Variants in TUNAR observed in about 807,000 individuals in gnomAD.
TUNAR encodes transmembrane neural differentiation associated intracellular calcium regulator, also known as protein TUNAR.
At chr14:95,916,369 G>C (rs1466131247) in intron 2 of TUNAR, among the ~76,000 whole-genome samples, 1 of 152,134 alleles carries the variant, frequency 6.6e-6, no homozygotes, top group East Asian at 1.9e-4. Flanking sequence ...CACATAAGTG[G>C]GAACATCCTT....
chr14:95,899,232 A>G (rs1889310173), intron 2 of TUNAR, among the ~76,000 whole-genome samples: 1 of 152,168 alleles, frequency 6.6e-6, no homozygotes, highest in South Asian at 2.1e-4. Flanking sequence ...TCAGGAGACC[A>G]TGCAGCCACA....
At chr14:95,922,238 G>A (rs900285798) in intron 2 of TUNAR, among the ~76,000 whole-genome samples, 9 of 152,156 alleles carry the variant, frequency 5.9e-5, no homozygotes, top group South Asian at 2.1e-4. Flanking sequence ...CATCCACACC[G>A]TGCATAGACC....
At chr14:95,921,960 C>T (rs1033260751) in intron 2 of TUNAR, among the ~76,000 whole-genome samples, 2 of 152,140 alleles carry the variant, frequency 1.3e-5, no homozygotes, top group African/African-American at 2.4e-5. Flanking sequence ...AGACTGACCA[C>T]CACATGTTCA....
chr14:95,888,661 A>G (rs1382791184), intron 2 of TUNAR, among the ~76,000 whole-genome samples: 1 of 152,138 alleles, frequency 6.6e-6, no homozygotes, highest in Non-Finnish European at 1.5e-5. Flanking sequence ...CTAGGGCTCC[A>G]TTGACCCAAG....
At position 95,897,910 on chromosome 14, in the gene TUNAR, G is replaced by C. The variant is rs150677023; in HGVS notation, c.12+20733G>C. Among the ~76,000 whole-genome samples, 316 of 150,854 alleles carry C rather than the reference G, an allele frequency of 2.1e-3. 2 individuals carry two copies. Among genetic ancestry groups the C allele is most frequent in the African/African-American group, 7.2e-3 (295 of 40,980 alleles). Reference sequence around the variant, plus strand: ...TTCATACTCTCCCTTTTTTCATACCGCCTGTTCCATTGAGCCTTTCCCCAT... The same window carrying C: ...TTCATACTCTCCCTTTTTTCATACCCCCTGTTCCATTGAGCCTTTCCCCAT... On this transcript the variant is annotated intron_variant, in intron 2 of 2. Transcript: ENST00000678517.
intron 2 of TUNAR, among the ~76,000 whole-genome samples, chr14:95,908,440 G>A (rs761545330): frequency 9.2e-5 from 14 of 152,204 alleles, no homozygotes; most frequent in Admixed American, 1.3e-4. Flanking sequence ...GGCAAAGTGC[G>A]TCCTCCCATC....
Position 95,881,033 on chromosome 14 carries a change from C to A in TUNAR, c.12+3856C>A, listed in dbSNP as rs555989556. On this transcript the variant is annotated intron_variant, in intron 2 of 2. Transcript: ENST00000678517. The stretch of plus-strand genomic sequence containing the variant: ...GGACTCTGCTGGGGTTTAAATCAAC[C>A]CGTGCTGGACCTCATTTCCACTGCT... Among the ~76,000 whole-genome samples the A allele has an allele frequency of 3.3e-5, 5 of 152,272 alleles. No homozygotes were observed. In the East Asian group the frequency reaches 9.6e-4, roughly 29 times the overall value.
At chr14:95,901,117 T>C (rs564961269) in intron 2 of TUNAR, among the ~76,000 whole-genome samples, 1 of 152,342 alleles carries the variant, frequency 6.6e-6, no homozygotes, top group Admixed American at 6.5e-5. Context: ...AGGCAACAGC[T>C]TCAGAAGGTG....
intron 2 of TUNAR, among the ~76,000 whole-genome samples, chr14:95,885,559 CAGA>C (rs2139653452): frequency 6.6e-6 from 1 of 152,206 alleles, no homozygotes; most frequent in Non-Finnish European, 1.5e-5. Context: ...CAAGTGTGAG[CAGA>C]AGCACAGAGG....
chr14:95,886,914 C>T (rs917953891), intron 2 of TUNAR, among the ~76,000 whole-genome samples: 1 of 152,162 alleles, frequency 6.6e-6, no homozygotes, highest in Non-Finnish European at 1.5e-5. Context: ...AACCCAGGCC[C>T]AGAGCCAGGG....
intron 2 of TUNAR, among the ~76,000 whole-genome samples, chr14:95,884,890 T>A (rs1424775442): frequency 6.6e-6 from 1 of 151,668 alleles, no homozygotes; most frequent in Admixed American, 6.6e-5. Flanking sequence ...TTTTTTTCCC[T>A]CCTACTGAGA....
intron 2 of TUNAR, among the ~76,000 whole-genome samples, chr14:95,892,502 G>T (rs1364422451): frequency 6.6e-6 from 1 of 152,258 alleles, no homozygotes; most frequent in Non-Finnish European, 1.5e-5. Context: ...GCATTACTGG[G>T]TCAGGGTATC....
At chr14:95,924,219 T>C (rs559258458) in exon 3 of TUNAR, 4 of 152,178 alleles carry the variant, frequency 2.6e-5, no homozygotes, top group Non-Finnish European at 5.9e-5. Flanking sequence ...GGAGATCTCA[T>C]GGTGATTCAG....
intron 2 of TUNAR, among the ~76,000 whole-genome samples, chr14:95,884,599 T>C (rs1387614626): frequency 6.6e-6 from 1 of 152,232 alleles, no homozygotes; most frequent in East Asian, 1.9e-4. Flanking sequence ...ACAGGGTGAC[T>C]CATCATGGGA....
At chr14:95,885,483 G>A (rs1247292818) in intron 2 of TUNAR, among the ~76,000 whole-genome samples, 1 of 152,200 alleles carries the variant, frequency 6.6e-6, no homozygotes, top group East Asian at 1.9e-4. Context: ...TTTGACTTGA[G>A]CCCTGAGAGA....
intron 2 of TUNAR, among the ~76,000 whole-genome samples, chr14:95,907,538 G>T (rs927441876): frequency 1.3e-5 from 2 of 152,166 alleles, no homozygotes; most frequent in Non-Finnish European, 2.9e-5. Context: ...TGGTGCCTTT[G>T]CCCAAGTTCT....
intron 2 of TUNAR, among the ~76,000 whole-genome samples, chr14:95,905,991 A>G (rs1889422320): frequency 6.6e-6 from 1 of 152,196 alleles, no homozygotes; most frequent in South Asian, 2.1e-4. Context: ...AGCTTTGGCC[A>G]TTAGAAGTTC....
intron 2 of TUNAR, among the ~76,000 whole-genome samples, chr14:95,910,842 C>T (rs1475106105): frequency 2.0e-5 from 3 of 152,218 alleles, no homozygotes; most frequent in African/African-American, 7.2e-5. Flanking sequence ...CTCAGAGGCT[C>T]CCAGCTCATT....
intron 2 of TUNAR, among the ~76,000 whole-genome samples, chr14:95,880,677 TTGAACTCAGC>T (rs1888966065): frequency 6.6e-6 from 1 of 152,220 alleles, no homozygotes; most frequent in Non-Finnish European, 1.5e-5. Context: ...AGTTAGAGCC[TTGAACTCAGC>T]TGAAGCTGGG....
Sources: allele counts gnomAD v4.1 joint callset (sites outside exome capture counted in the v4.1 genomes callset), GRCh38; gene constraint gnomAD v4.1.1; transcripts MANE v1.5; gene names NCBI Gene and HGNC (gene_info 2026-07-23, HGNC 2026-07-21).